Variants in SGCZ observed in about 807,000 individuals in gnomAD.
SGCZ encodes sarcoglycan zeta.
SGCZ carries 40 observed loss-of-function variants against 41.3 expected under a neutral mutation model. That is an observed-to-expected ratio of 0.97 (90% confidence interval 0.75 to 1.26). The LOEUF (loss-of-function observed/expected upper bound fraction) is 1.26, where lower values mean the gene tolerates loss of function less well. Among genes scored for constraint, SGCZ ranks in the 50% most tolerant of loss-of-function variants. The pLI is 0.00. For missense variants in SGCZ, 552 were observed against 369.8 expected, an observed-to-expected ratio of 1.49 and a Z score of -4.04; for synonymous variants, 206 against 137.5, an observed-to-expected ratio of 1.50 and a Z score of -3.49.
At chr8:14,183,012 A>C (rs1585208955) in intron 4 of SGCZ, among the ~76,000 whole-genome samples, 1 of 956 alleles carries the variant, frequency 1.0e-3, no homozygotes, top group Admixed American at 0.01. Flanking sequence ...ACTCCGTCTC[A>C]AAAAAAAAAA....
chr8:15,194,724 C>T (rs1368852461), intron 1 of SGCZ, among the ~76,000 whole-genome samples: 1 of 152,098 alleles, frequency 6.6e-6, no homozygotes, highest in Admixed American at 6.6e-5. Context: ...AGCCAGGGAG[C>T]CAAGGCCGCC....
chr8:14,454,178 T>C (rs538454739), intron 2 of SGCZ, among the ~76,000 whole-genome samples: 1 of 152,234 alleles, frequency 6.6e-6, no homozygotes, highest in Admixed American at 6.5e-5. Flanking sequence ...AGCCAAGGTA[T>C]GGTGGCAGGA....
Position 14,600,447 on chromosome 8 carries a change from G to A in SGCZ, c.40-45521C>T, listed in dbSNP as rs28712813. 7.2e-5 allele frequency among the ~76,000 whole-genome samples: 11 copies of A among 152,124 alleles called. No homozygotes were observed. In the South Asian group the frequency reaches 2.3e-3, roughly 31 times the overall value. ...CCTCCTGCAGAGATTATTCTACACA[G>A]AGGGGAGAGGACTGGAATCTTTACC... On this transcript the variant is annotated intron_variant, in intron 1 of 7. Transcript: ENST00000382080.
intron 1 of SGCZ, among the ~76,000 whole-genome samples, chr8:14,839,088 A>G (rs1802809209): frequency 6.6e-6 from 1 of 152,210 alleles, no homozygotes; most frequent in South Asian, 2.1e-4. Context: ...GGTTGGGAGA[A>G]GACTGAATTC....
At chr8:14,626,734 G>A (rs1806472623) in intron 1 of SGCZ, among the ~76,000 whole-genome samples, 2 of 152,060 alleles carry the variant, frequency 1.3e-5, no homozygotes, top group Non-Finnish European at 2.9e-5. Flanking sequence ...AAATTCTAAG[G>A]CAGAAGCATA....
chr8:14,629,491 T>C (rs545984308), intron 1 of SGCZ, among the ~76,000 whole-genome samples: 2 of 152,196 alleles, frequency 1.3e-5, no homozygotes, highest in East Asian at 3.9e-4. Flanking sequence ...CAGTCAGTAG[T>C]GGTCTAGATT....
intron 1 of SGCZ, among the ~76,000 whole-genome samples, chr8:15,094,920 C>T (rs1474746606): frequency 1.3e-5 from 2 of 152,050 alleles, no homozygotes; most frequent in African/African-American, 4.8e-5. Flanking sequence ...TCAATTTAAC[C>T]TCTTTTCTTT....
chr8:14,839,408 G>C (rs1244374983), intron 1 of SGCZ, among the ~76,000 whole-genome samples: 1 of 152,158 alleles, frequency 6.6e-6, no homozygotes, highest in Non-Finnish European at 1.5e-5. Flanking sequence ...ATGTCTATTA[G>C]ACTCTGTAGT....
intron 1 of SGCZ, among the ~76,000 whole-genome samples, chr8:14,746,108 T>C (rs1799333186): frequency 6.6e-6 from 1 of 152,050 alleles, no homozygotes; most frequent in African/African-American, 2.4e-5. Flanking sequence ...TAAATATCGA[T>C]CTATAAATAT....
chr8:14,803,530 A>C (rs1801405534), intron 1 of SGCZ, among the ~76,000 whole-genome samples: 1 of 152,168 alleles, frequency 6.6e-6, no homozygotes. Flanking sequence ...TGGGCTTAAA[A>C]AACGGCGCAC....
intron 5 of SGCZ, among the ~76,000 whole-genome samples, chr8:14,155,518 C>T (rs576633376): frequency 6.6e-6 from 1 of 152,086 alleles, no homozygotes; most frequent in East Asian, 1.9e-4. Context: ...TCTCATCATC[C>T]ATTGATAATT....
At chr8:14,259,265 T>C (rs1799568538) in intron 3 of SGCZ, among the ~76,000 whole-genome samples, 1 of 152,182 alleles carries the variant, frequency 6.6e-6, no homozygotes. Context: ...AGGCAGCAAG[T>C]TATTTTCCTT....
rs759439885 is a variant in SGCZ, at chr8:14,556,139, C to G, written c.40-1213G>C. Among the ~76,000 whole-genome samples the G allele has an allele frequency of 4.6e-5, 7 of 151,802 alleles. 1 individual carries two copies. The highest frequency in any genetic ancestry group is 1.7e-4 in the African/African-American group (7 of 41,468). ...CAATATGAATAAGCACTGAATATGT[C>G]TTAAGTGTACAATTTTCAGAATAAC... On this transcript the variant is annotated intron_variant, in intron 1 of 7. Transcript: ENST00000382080.
intron 2 of SGCZ, among the ~76,000 whole-genome samples, chr8:14,456,847 G>A (rs1200196995): frequency 6.6e-6 from 1 of 152,106 alleles, no homozygotes; most frequent in Admixed American, 6.5e-5. Flanking sequence ...TAGTGACTGA[G>A]TTCTCATAAG....
At chr8:15,034,342 C>A (rs1803793094) in intron 1 of SGCZ, among the ~76,000 whole-genome samples, 1 of 151,954 alleles carries the variant, frequency 6.6e-6, no homozygotes, top group South Asian at 2.1e-4. Flanking sequence ...GAGAAAGCAT[C>A]ACTAGCAGAA....
intron 3 of SGCZ, among the ~76,000 whole-genome samples, chr8:14,304,461 G>A (rs1212642828): frequency 6.6e-6 from 1 of 152,074 alleles, no homozygotes; most frequent in African/African-American, 2.4e-5. Context: ...AGGCATGGTG[G>A]CACATGCCTG....
rs17120660 is a variant in SGCZ, at chr8:14,979,261, A to G, written c.39+258324T>C. Among the ~76,000 whole-genome samples, 1,004 of 152,338 alleles carry G rather than the reference A, an allele frequency of 6.6e-3. 8 individuals are homozygous for G. Among genetic ancestry groups the G allele is most frequent in the African/African-American group, 0.023 (940 of 41,582 alleles). On this transcript the variant is annotated intron_variant, in intron 1 of 7. Transcript: ENST00000382080. ...ATTACTCCTAATTCTTGTCATTAAA[A>G]AGTTAAACATGTATGACTGTAATAC... is the stretch of plus-strand genomic sequence containing the variant.
At chr8:14,752,303 C>G (rs1204384108) in intron 1 of SGCZ, among the ~76,000 whole-genome samples, 1 of 152,068 alleles carries the variant, frequency 6.6e-6, no homozygotes, top group Non-Finnish European at 1.5e-5. Flanking sequence ...TTTCCACTAG[C>G]TATTTATTAT....
chr8:14,883,440 T>C (rs1481930507), intron 1 of SGCZ, among the ~76,000 whole-genome samples: 3 of 151,974 alleles, frequency 2.0e-5, no homozygotes, highest in African/African-American at 7.2e-5. Context: ...AATACACAAA[T>C]AGTTTTTAAA....
Sources: gnomAD v4.1 joint callset for allele counts (sites outside exome capture counted in the v4.1 genomes callset) on GRCh38, gnomAD v4.1.1 for gene constraint, MANE v1.5 for transcripts, NCBI Gene and HGNC (gene_info 2026-07-23, HGNC 2026-07-21) for gene names.